Variants in PADI2 observed in about 807,000 individuals in gnomAD.
The protein encoded by PADI2 is peptidyl arginine deiminase 2, also known as protein-arginine deiminase type-2.
Under a neutral mutation model 81.1 loss-of-function variants are expected in PADI2, and 70 were observed. The observed-to-expected ratio is 0.86, with a 90% confidence interval of 0.71 to 1.05. PADI2 has a LOEUF of 1.05. Among genes scored for constraint, PADI2 ranks in the 50% least tolerant of loss-of-function variants. The probability of loss-of-function intolerance (pLI) is 0.00; values close to 1 mark genes in which losing one functional copy is unlikely to be tolerated. For synonymous variants in PADI2, 338 were observed against 358.0 expected (o/e 0.94, Z 0.63); for missense variants, 853 against 889.9 (o/e 0.96, Z 0.53).
At position 17,084,586 on chromosome 1, in the gene PADI2, G is replaced by A. The variant is rs768804276; in HGVS notation, c.938+13C>T. 2.6e-6 allele frequency: 4 copies of A among 1,544,510 alleles called. No homozygotes were observed. The South Asian group carries it at 4.7e-5, about 18-fold the overall frequency. On this transcript the variant is annotated intron_variant, in intron 8 of 15. Coordinates refer to ENST00000375486, the MANE Select transcript of PADI2 (RefSeq NM_007365.3). The stretch of plus-strand genomic sequence containing the variant: ...CTGCCACGCTGCCTCTCCAGGCTGG[G>A]GTCACCCCTTACCAGCACACAAACA...
chr1:17,101,822 C>T (rs959790137), intron 3 of PADI2, among the ~76,000 whole-genome samples: 7 of 152,070 alleles, frequency 4.6e-5, no homozygotes, highest in Non-Finnish European at 1.0e-4. Flanking sequence ...TAGCTGCAGG[C>T]AAGTATTTGT....
At chr1:17,083,673 C>T (rs1557762109) in intron 9 of PADI2, 53 bp downstream of exon 9, 1 of 1,136,214 alleles carries the variant, frequency 8.8e-7, no homozygotes, top group Non-Finnish European at 1.3e-6. Context: ...GCCAACTCTT[C>T]TTTGCTTGAC....
chr1:17,072,976 T>C (rs1020243198), intron 13 of PADI2, among the ~76,000 whole-genome samples: 1 of 152,168 alleles, frequency 6.6e-6, no homozygotes, highest in African/African-American at 2.4e-5. Flanking sequence ...TAAATTGGTC[T>C]TGTCTGTCCT....
intron 1 of PADI2, among the ~76,000 whole-genome samples, chr1:17,113,889 C>A (rs1358263162): frequency 1.3e-5 from 2 of 152,166 alleles, no homozygotes; most frequent in Non-Finnish European, 2.9e-5. Context: ...TGAGCCCCTG[C>A]CACTGTGCTC....
At chr1:17,092,227 G>A (rs1381980086) in intron 6 of PADI2, among the ~76,000 whole-genome samples, 181 bp downstream of exon 6, 6 of 152,088 alleles carry the variant, frequency 3.9e-5, no homozygotes, top group Non-Finnish European at 7.4e-5. Context: ...TTGAGAGGAG[G>A]AGCGATGTGT....
At chr1:17,090,702 C>T (rs1054129183) in intron 6 of PADI2, among the ~76,000 whole-genome samples, 4 of 151,714 alleles carry the variant, frequency 2.6e-5, no homozygotes, top group African/African-American at 9.7e-5. Flanking sequence ...GTCGTGGCTG[C>T]TCCCCACAGG....
Position 17,119,406 on chromosome 1 carries a change from G to A in PADI2, c.-35C>T. 1 of 1,487,436 alleles carries A rather than the reference G, an allele frequency of 6.7e-7. No homozygotes were observed. Among genetic ancestry groups the A allele is most frequent in the Non-Finnish European group, 9.0e-7 (1 of 1,108,134 alleles). The allele number at this position is 1,487,436 out of a possible 1,614,324, so 92.1% of individuals were successfully genotyped here. A position where few individuals can be genotyped will look rare whatever the true frequency, so the allele number is the denominator to read the frequency against. On this transcript the variant is annotated 5_prime_UTR_variant, in exon 1 of 16. Coordinates refer to ENST00000375486, the MANE Select transcript of PADI2 (RefSeq NM_007365.3). This position sits in a 1 kb window ranked among gnomAD's most constrained non-coding sequence, Gnocchi z 4.8. ...CGCAGTGCCCGCGCTCGCTGGTCCGGGGCGGCCGGGAGCACCTGCAGCAGG... is the reference window on the plus strand; with the variant it reads ...CGCAGTGCCCGCGCTCGCTGGTCCGAGGCGGCCGGGAGCACCTGCAGCAGG...
rs1436748378 is a variant in PADI2 at position 17,105,040 on chromosome 1, T to C, written c.114A>G (p.Gln38=). Reference sequence around the variant, plus strand: ...GTTCCGAGTGCTTCAGGCTGAAGGTTTGGGCCCCGGCTGGGGCCGCGCTGT... The same window carrying C: ...GTTCCGAGTGCTTCAGGCTGAAGGTCTGGGCCCCGGCTGGGGCCGCGCTGT... ...DVYSAAPAGA[Q]TFSLKHSEHV... Residue 38 remains glutamine (Q), a synonymous_variant, in exon 2 of 16, where the codon CAA becomes CAG. Coordinates refer to ENST00000375486, the MANE Select transcript of PADI2 (RefSeq NM_007365.3). 3.2e-6 allele frequency: 5 copies of C among 1,586,604 alleles called. No homozygotes were observed. The highest frequency in any genetic ancestry group is 1.7e-6 in the Non-Finnish European group (2 of 1,161,724).
intron 10 of PADI2, among the ~76,000 whole-genome samples, chr1:17,082,080 C>T (rs963819393): frequency 1.4e-4 from 21 of 152,010 alleles, no homozygotes; most frequent in East Asian, 7.7e-4. Context: ...TCAGCCTGGG[C>T]GACAGAGCAA....
intron 1 of PADI2, among the ~76,000 whole-genome samples, chr1:17,109,687 C>T (rs1026450744): frequency 3.9e-5 from 6 of 151,964 alleles, no homozygotes; most frequent in Non-Finnish European, 7.4e-5. Context: ...GATGGGGTTG[C>T]ACTGTGTTGG....
At chr1:17,105,197 A>T in intron 1 of PADI2, 136 bp from the exon 2 acceptor site, 1 of 540,854 alleles carries the variant, frequency 1.8e-6, no homozygotes, top group Non-Finnish European at 3.2e-6. Context: ...GTTTGAGACC[A>T]GCCTGGACAA....
chr1:17,077,206 G>A (rs2078310309), intron 11 of PADI2, among the ~76,000 whole-genome samples: 1 of 152,144 alleles, frequency 6.6e-6, no homozygotes, highest in Admixed American at 6.5e-5. Flanking sequence ...CTGTCCCCAG[G>A]AATGTTTTAT....
chr1:17,069,842 C>T (rs1399378330), intron 15 of PADI2, among the ~76,000 whole-genome samples: 1 of 152,240 alleles, frequency 6.6e-6, no homozygotes, highest in Non-Finnish European at 1.5e-5. Context: ...ATCTTTTGCA[C>T]AGCACTTTCC....
At chr1:17,114,106 G>C (rs1186557644) in intron 1 of PADI2, among the ~76,000 whole-genome samples, 1 of 152,184 alleles carries the variant, frequency 6.6e-6, no homozygotes, top group Non-Finnish European at 1.5e-5. Flanking sequence ...ACCTGACCTG[G>C]CCTGAATTCC....
intron 11 of PADI2, among the ~76,000 whole-genome samples, chr1:17,076,061 C>T (rs1299481140): frequency 2.0e-5 from 3 of 152,196 alleles, no homozygotes; most frequent in Admixed American, 6.5e-5. Context: ...GGAGCCCAGG[C>T]TTCAGCCCTT....
chr1:17,070,643 A>G (rs1157587883), intron 14 of PADI2, among the ~76,000 whole-genome samples: 2 of 152,116 alleles, frequency 1.3e-5, no homozygotes, highest in African/African-American at 4.8e-5. Context: ...GCCCTGTAAT[A>G]TAGATGCTAT....
At chr1:17,079,439 G>A (rs779638581) in intron 10 of PADI2, 24 bp from the exon 11 acceptor site, 15 of 1,601,772 alleles carry the variant, frequency 9.4e-6, no homozygotes, top group African/African-American at 5.4e-5. Context: ...ACACACCTGC[G>A]TTAGTCTTCT....
chr1:17,082,486 CTG>C (rs2078351497), intron 10 of PADI2, 57 bp downstream of exon 10: 1 of 1,123,320 alleles, frequency 8.9e-7, no homozygotes, highest in Non-Finnish European at 1.4e-6. Context: ...CCTGACCACT[CTG>C]TCTTATGAGA....
chr1:17,073,381 C>A (rs1295037582), intron 13 of PADI2, among the ~76,000 whole-genome samples: 2 of 144,976 alleles, frequency 1.4e-5, no homozygotes, highest in Non-Finnish European at 3.0e-5. Context: ...GGCACCACTG[C>A]ACTCCAGCCT....
Sources: allele counts gnomAD v4.1 joint callset (sites outside exome capture counted in the v4.1 genomes callset), GRCh38; gene constraint gnomAD v4.1.1; non-coding constraint Gnocchi (gnomAD v3.1); transcripts MANE v1.5; gene names NCBI Gene and HGNC (gene_info 2026-07-23, HGNC 2026-07-21).